The following RTL4 variants were observed in gnomAD, a reference collection of about 807,000 sequenced individuals.
RTL4 encodes the protein retrotransposon Gag-like protein 4.
RTL4 carries 4 observed loss-of-function variants against 5.3 expected under a neutral mutation model. That is an observed-to-expected ratio of 0.75 (90% CI 0.37 to 1.72). RTL4 has a LOEUF of 1.72. Among genes scored for constraint, RTL4 ranks in the 40% most tolerant of loss-of-function variants. RTL4 has a pLI of 0.04. For synonymous variants in RTL4, 98 were observed against 87.3 expected (o/e 1.12, Z -0.68); for missense variants, 260 against 227.1 (o/e 1.14, Z -0.93).
At chrX:112,415,962 A>T in the RTL4 span, among the ~76,000 whole-genome samples, 3 of 111,791 alleles carry the variant, frequency 2.7e-5, no homozygotes, top group Non-Finnish European at 5.6e-5. Flanking sequence ...AACAACAGAA[A>T]TTTATTGTCT....
the RTL4 span, among the ~76,000 whole-genome samples, chrX:112,394,055 C>A: frequency 9.0e-6 from 1 of 111,251 alleles, no homozygotes. Context: ...AAGGGGGAAT[C>A]TCCTGACCTG....
the RTL4 span, among the ~76,000 whole-genome samples, chrX:112,236,006 C>T: frequency 9.0e-6 from 1 of 111,103 alleles, no homozygotes; most frequent in East Asian, 2.9e-4. Context: ...TTCTGGCAAC[C>T]AAGAAAGCTA....
chrX:112,230,320 C>T, the RTL4 span, among the ~76,000 whole-genome samples: 8 of 112,502 alleles, frequency 7.1e-5, no homozygotes, highest in Non-Finnish European at 1.5e-4. Flanking sequence ...GCATAGGACC[C>T]TCTGAGCCAT....
the RTL4 span, among the ~76,000 whole-genome samples, chrX:112,283,002 T>C: frequency 1.3e-4 from 14 of 111,460 alleles, no homozygotes; most frequent in African/African-American, 4.5e-4. Flanking sequence ...CAACTGATAT[T>C]GGAGTTTGGA....
chrX:112,370,414 G>A, the RTL4 span, among the ~76,000 whole-genome samples: 4 of 111,514 alleles, frequency 3.6e-5, no homozygotes, highest in African/African-American at 1.3e-4. Context: ...AACCTCAAGA[G>A]GTTACTTGGT....
At chrX:112,305,291 G>A in the RTL4 span, among the ~76,000 whole-genome samples, 4 of 107,388 alleles carry the variant, frequency 3.7e-5, no homozygotes, top group South Asian at 8.4e-4. Context: ...TGAGTAGCTG[G>A]GACTATAGGC....
At chrX:112,352,594 T>C in the RTL4 span, among the ~76,000 whole-genome samples, 1 of 111,393 alleles carries the variant, frequency 9.0e-6, no homozygotes, top group Admixed American at 9.6e-5. Context: ...GATTCCCTAT[T>C]TAATAAGTGG....
At chrX:112,292,754 A>G in the RTL4 span, among the ~76,000 whole-genome samples, 1 of 111,506 alleles carries the variant, frequency 9.0e-6, no homozygotes, top group African/African-American at 3.3e-5. Context: ...TATCCCCTCA[A>G]TGTGTAGAAT....
the RTL4 span, among the ~76,000 whole-genome samples, chrX:112,403,278 G>A: frequency 1.3e-4 from 15 of 112,021 alleles, no homozygotes; most frequent in Admixed American, 2.8e-4. Flanking sequence ...TTTGTTGTGC[G>A]TAGGAACCAC....
At chrX:112,376,190 TGCTAA>T in the RTL4 span, among the ~76,000 whole-genome samples, 1 of 111,778 alleles carries the variant, frequency 8.9e-6, no homozygotes, top group East Asian at 2.8e-4. Context: ...AATCCAGTAG[TGCTAA>T]GGTTGAGAAA....
the RTL4 span, chrX:112,381,698 A>C: frequency 9.1e-6 from 11 of 1,208,339 alleles, no homozygotes; most frequent in Non-Finnish European, 1.2e-5. Context: ...TTTGAAGCGG[A>C]AGTTGCAGGC....
the RTL4 span, among the ~76,000 whole-genome samples, chrX:112,242,568 G>A: frequency 1.1e-4 from 12 of 112,116 alleles, no homozygotes; most frequent in African/African-American, 3.9e-4. Flanking sequence ...CTTTGCTGAA[G>A]TTGCTTATCA....
At chrX:112,168,610 A>G in the RTL4 span, among the ~76,000 whole-genome samples, 1 of 111,899 alleles carries the variant, frequency 8.9e-6, no homozygotes, top group Non-Finnish European at 1.9e-5. Flanking sequence ...TAATTATAAT[A>G]CATTAGCATG....
the RTL4 span, among the ~76,000 whole-genome samples, chrX:112,225,119 A>G: frequency 8.6e-4 from 97 of 112,254 alleles, 1 homozygote; most frequent in Non-Finnish European, 1.1e-3. Context: ...AATAAGTGGT[A>G]GGACAGAAAT....
At chrX:112,315,037 G>A in the RTL4 span, among the ~76,000 whole-genome samples, 552 of 111,450 alleles carry the variant, frequency 5.0e-3, 2 homozygotes, top group African/African-American at 0.017. Flanking sequence ...CTGTTGCCTC[G>A]AAATTAAGTA....
chrX:112,442,190 C>T, the RTL4 span, among the ~76,000 whole-genome samples: 52,444 of 108,928 alleles, frequency 0.48, 9,638 homozygotes, highest in African/African-American at 0.64. Flanking sequence ...AATGTGGTGT[C>T]GGTCACCCAG....
chrX:112,436,579 T>C, the RTL4 span, among the ~76,000 whole-genome samples: 2 of 111,750 alleles, frequency 1.8e-5, no homozygotes, highest in Admixed American at 9.5e-5. Context: ...TACATGTGTA[T>C]TTGCACAAAT....
the RTL4 span, among the ~76,000 whole-genome samples, chrX:112,365,162 G>A: frequency 3.6e-5 from 4 of 110,946 alleles, no homozygotes; most frequent in African/African-American, 6.6e-5. Context: ...AATATGCCAC[G>A]TGGACATGGT....
chrX:112,296,025 C>T, the RTL4 span, among the ~76,000 whole-genome samples: 1 of 111,963 alleles, frequency 8.9e-6, no homozygotes, highest in Non-Finnish European at 1.9e-5. Context: ...TTGTCCTCTA[C>T]CACACTGCAG....
Sources: gnomAD v4.1 joint callset for allele counts (sites outside exome capture counted in the v4.1 genomes callset) on GRCh38, gnomAD v4.1.1 for gene constraint, MANE v1.5 for transcripts, NCBI Gene and HGNC (gene_info 2026-07-23, HGNC 2026-07-21) for gene names.